Variants in MEGF8 observed in about 807,000 individuals in gnomAD.
MEGF8 encodes the protein multiple EGF like domains 8, also known as multiple epidermal growth factor-like domains protein 8.
A neutral mutation model predicts 302.9 loss-of-function variants in MEGF8; 156 were observed. The ratio of observed to expected loss-of-function variants is 0.52; its 90% CI spans 0.45 to 0.59. The LOEUF is 0.59. Ranked by LOEUF, MEGF8 falls within the 20% of genes least tolerant of loss-of-function variation. The pLI, the probability that MEGF8 is intolerant of heterozygous loss-of-function variation, is 0.00. For synonymous variants in MEGF8, 1,621 were observed against 1,660.5 expected (o/e 0.98, Z 0.58); for missense variants, 3,345 against 3,964.5 (o/e 0.84, Z 4.20).
At chr19:42,373,070 C>G (rs968027830) in intron 41 of MEGF8, among the ~76,000 whole-genome samples, 1 of 151,812 alleles carries the variant, frequency 6.6e-6, no homozygotes, top group Non-Finnish European at 1.5e-5. Flanking sequence ...GGTCTGTTGG[C>G]TGCTTAGAAG....
In MEGF8 at chr19:42,334,222, G is replaced by T; in HGVS notation, c.558+9G>T. The T allele has an allele frequency of 6.3e-7, 1 of 1,581,774 alleles. No homozygotes were observed. ...ACGGCACCTGCGCCTCGGTGAGCCG[G>T]TCCCCAGCCCTGTTTCCCCTGGGGC... On this transcript the variant is annotated intron_variant, in intron 3 of 41. Coordinates refer to ENST00000251268, the MANE Select transcript of MEGF8 (RefSeq NM_001271938.2).
chr19:42,342,623 C>T (rs2039230386), intron 8 of MEGF8, among the ~76,000 whole-genome samples: 2 of 149,030 alleles, frequency 1.3e-5, no homozygotes, highest in African/African-American at 2.5e-5. Context: ...GGTGACAAAG[C>T]GAGACTCTGT....
rs1320734567 is a variant in MEGF8, at chr19:42,352,245, G to C, written c.3139G>C (p.Gly1047Arg). ...QGDFSGPLGG[G>R]NCSLWVGEGL... ...GGACTTCTCAGGGCCCCTCGGTGGG[G>C]GTAACTGCTCCCTGTGGGTGGGGGA... Residue 1047 changes from glycine to arginine, a missense_variant, in exon 19 of 42, where the codon GGT becomes CGT. Transcript: ENST00000251268. The surrounding 1 kb of genome is among the most constrained non-coding windows in gnomAD (Gnocchi z 4.4). The C allele has an allele frequency of 1.3e-6, 2 of 1,558,212 alleles. No homozygotes were observed. Among genetic ancestry groups the C allele is most frequent in the Non-Finnish European group, 1.7e-6 (2 of 1,148,802 alleles).
Position 42,355,748 on chromosome 19 carries a change from C to T in MEGF8, c.4145-10C>T, listed in dbSNP as rs1377031697. 1.9e-6 allele frequency: 3 copies of T among 1,561,080 alleles called. No individual in the cohort carries two copies. The highest frequency in any genetic ancestry group is 2.6e-6 in the Non-Finnish European group (3 of 1,148,276). On this transcript the variant is annotated splice_polypyrimidine_tract_variant and intron_variant, in intron 23 of 41. Coordinates refer to ENST00000251268, the MANE Select transcript of MEGF8 (RefSeq NM_001271938.2). ...ACTTTGCTACCAGCCTCTGGCCTCT[C>T]TCTTCACAGGGCTGCTCGTGCTGCA...
Position 42,352,214 on chromosome 19 carries a change from A to G in MEGF8, c.3108A>G (p.Leu1036=), listed in dbSNP as rs763739986. Residue 1036 remains leucine (L), a synonymous_variant, in exon 19 of 42, where the codon CTA becomes CTG. Transcript: ENST00000251268. The surrounding 1 kb of genome is among the most constrained non-coding windows in gnomAD (Gnocchi z 4.4). Reference sequence around the variant, plus strand: ...TCACTCTCCCACCCTGCAGGTGCCTACAGGGGGACTTCTCAGGGCCCCTCG... The same window carrying G: ...TCACTCTCCCACCCTGCAGGTGCCTGCAGGGGGACTTCTCAGGGCCCCTCG... ...NEDNPTLGRC[L]QGDFSGPLGG... The G allele has an allele frequency of 7.2e-6, 11 of 1,536,374 alleles. No individual in the cohort carries two copies. The highest frequency in any genetic ancestry group is 9.7e-6 in the Non-Finnish European group (11 of 1,136,336).
At chr19:42,360,645 T>C in intron 31 of MEGF8, 130 bp from the exon 32 acceptor site, 1 of 1,477,982 alleles carries the variant, frequency 6.8e-7, no homozygotes, top group African/African-American at 1.4e-5. Context: ...GCCCTTGGCC[T>C]TGTTTCTGCT....
At chr19:42,328,811 C>G (rs2039018995) in intron 1 of MEGF8, among the ~76,000 whole-genome samples, 1 of 151,918 alleles carries the variant, frequency 6.6e-6, no homozygotes, top group Non-Finnish European at 1.5e-5. Context: ...TGGCGCACAT[C>G]TGTGGTTCCA....
At position 42,368,688 on chromosome 19, in the gene MEGF8, A is replaced by G; in HGVS notation, c.6481+26A>G. ...GTGAGAGGGCTTTGGGCACTGGGGG[A>G]GAGGGGCTGGCCCTTGGTTGGGGTC... On this transcript the variant is annotated intron_variant, in intron 36 of 41. Coordinates refer to ENST00000251268, the MANE Select transcript of MEGF8 (RefSeq NM_001271938.2). The surrounding 1 kb of genome is among the most constrained non-coding windows in gnomAD (Gnocchi z 4.9). 6.5e-7 allele frequency: 1 copy of G among 1,530,356 alleles called. No homozygotes were observed. 94.8% of individuals were successfully genotyped at this position (1,530,356 alleles called of 1,614,324 possible).
Position 42,344,528 on chromosome 19 carries a change from C to T in MEGF8, c.1876C>T (p.Arg626Trp), listed in dbSNP as rs369796236. The change falls in exon 11 of 42, where the codon CGG (arginine) becomes TGG (tryptophan). Residue 626 changes from arginine to tryptophan, a missense_variant. By Grantham distance (101) the Arg-to-Trp change is moderately radical (BLOSUM62 -3). Transcript: ENST00000251268. This position sits in a 1 kb window ranked among gnomAD's most constrained non-coding sequence, Gnocchi z 4.5. ...LAFSSPTAPP[R>W]GPGTLGWCVH... ...CTTCAGCAGCCCCACAGCCCCTCCA[C>T]GGGGACCTGGCACCCTGGGCTGGTG... The T allele has an allele frequency of 6.9e-6, 11 of 1,599,914 alleles. No individual in the cohort carries two copies. The highest frequency in any genetic ancestry group is 2.2e-5 in the South Asian group (2 of 90,950).
At position 42,353,058 on chromosome 19, in the gene MEGF8, C is replaced by T. The variant is rs771818419; in HGVS notation, c.3481C>T (p.Arg1161Trp). The T allele has an allele frequency of 2.4e-4, 371 of 1,551,128 alleles. No homozygotes were observed. The highest frequency in any genetic ancestry group is 3.0e-4 in the Non-Finnish European group (347 of 1,147,694). Residue 1161 changes from arginine to tryptophan, a missense_variant, in exon 20 of 42, where the codon CGG (arginine) becomes TGG (tryptophan). Physicochemically the swap from Arg to Trp is moderately radical, Grantham distance 101 (BLOSUM62 -3). Transcript: ENST00000251268. This position sits in a 1 kb window ranked among gnomAD's most constrained non-coding sequence, Gnocchi z 6.1. Reference sequence around the variant, plus strand: ...GGGTCCGCCAGCCCCCCGCTGCTCCCGGGACTGTGGCTGCAGCTTCCACAG... The same window carrying T: ...GGGTCCGCCAGCCCCCCGCTGCTCCTGGGACTGTGGCTGCAGCTTCCACAG... Reference protein sequence around the residue: ...APGPPAPRCSRDCGCSFHSHC... With the variant: ...APGPPAPRCSWDCGCSFHSHC...
At chr19:42,330,536 G>C (rs2147441311) in intron 1 of MEGF8, among the ~76,000 whole-genome samples, 1 of 152,352 alleles carries the variant, frequency 6.6e-6, no homozygotes, top group African/African-American at 2.4e-5. Flanking sequence ...GTCTGTGTCT[G>C]ATGTCTTGGG....
In MEGF8 at chr19:42,344,855, G is replaced by A. The variant is rs2039266520; in HGVS notation, c.2097+22G>A. 2 of 1,525,378 alleles carry A rather than the reference G, an allele frequency of 1.3e-6. No homozygotes were observed. The highest frequency in any genetic ancestry group is 1.8e-6 in the Non-Finnish European group (2 of 1,132,672). The allele number at this position is 1,525,378 out of a possible 1,614,324, so 94.5% of individuals were successfully genotyped here. On this transcript the variant is annotated intron_variant, in intron 12 of 41. Coordinates refer to ENST00000251268, the MANE Select transcript of MEGF8 (RefSeq NM_001271938.2). This position sits in a 1 kb window ranked among gnomAD's most constrained non-coding sequence, Gnocchi z 4.5. ...CAAGGTGGGTAGGAGGCGTGGCCCT[G>A]GGTGGGGTGTTGATGATCCTGATCC...
Position 42,358,424 on chromosome 19 carries a change from C to T in MEGF8, c.5175+117C>T, listed in dbSNP as rs1370325226. On this transcript the variant is annotated intron_variant, in intron 29 of 41. Transcript: ENST00000251268. The surrounding 1 kb of genome is among the most constrained non-coding windows in gnomAD (Gnocchi z 4.4). ...TCCTGCTTCCCCTCCTTTCTATGTT[C>T]CCTAACTAAGCGACACCCCCACATC... 3 of 1,306,286 alleles carry T rather than the reference C, an allele frequency of 2.3e-6. No individual in the cohort carries two copies. The highest frequency in any genetic ancestry group is 3.1e-6 in the Non-Finnish European group (3 of 973,010). The allele number at this position is 1,306,286 out of a possible 1,614,324, so 80.9% of individuals were successfully genotyped here.
Position 42,368,718 on chromosome 19 carries a change from A to G in MEGF8, c.6481+56A>G, listed in dbSNP as rs1285754201. 6.5e-7 allele frequency: 1 copy of G among 1,540,626 alleles called. No homozygotes were observed. Among genetic ancestry groups the G allele is most frequent in the Non-Finnish European group, 8.7e-7 (1 of 1,145,270 alleles). ...GGCTGGCCCTTGGTTGGGGTCTGAT[A>G]CAGTGAACATAGGGATACTGGGCCA... On this transcript the variant is annotated intron_variant, in intron 36 of 41. Coordinates refer to ENST00000251268, the MANE Select transcript of MEGF8 (RefSeq NM_001271938.2). This position sits in a 1 kb window ranked among gnomAD's most constrained non-coding sequence, Gnocchi z 4.9.
rs1195793508 is a variant in MEGF8 at position 42,326,445 on chromosome 19, G to A, written c.187+15G>A. Reference sequence around the variant, plus strand: ...GCTCATCGAGGGTGAGTGGGGCCGCGTGGGTCACTCACTAATTCGCTGGTA... The same window carrying A: ...GCTCATCGAGGGTGAGTGGGGCCGCATGGGTCACTCACTAATTCGCTGGTA... On this transcript the variant is annotated intron_variant, in intron 1 of 41. Transcript: ENST00000251268. 1 of 1,518,866 alleles carries A rather than the reference G, an allele frequency of 6.6e-7. No homozygotes were observed. Among genetic ancestry groups the A allele is most frequent in the African/African-American group, 1.4e-5 (1 of 69,752 alleles). 94.1% of individuals were successfully genotyped at this position (1,518,866 alleles called of 1,614,324 possible).
rs150311870 is a variant in MEGF8 at position 42,360,972 on chromosome 19, C to T, written c.5686C>T (p.His1896Tyr). 597 of 1,575,320 alleles carry T rather than the reference C, an allele frequency of 3.8e-4. 7 individuals are homozygous for T. Among genetic ancestry groups the T allele is most frequent in the Non-Finnish European group, 7.4e-5 (86 of 1,158,288 alleles). Residue 1896 changes from histidine to tyrosine, a missense_variant, in exon 32 of 42, where the codon CAT becomes TAT. Transcript: ENST00000251268. ...CNQSGACTWCHGACLSGDQAH... is the reference protein window; with the variant it reads ...CNQSGACTWCYGACLSGDQAH... ...CCAGTCTGGGGCCTGCACCTGGTGC[C>T]ATGGGGCCTGCTTGTCCGGGGATCA...
chr19:42,349,417 G>C (rs967164669), intron 13 of MEGF8, 82 bp from the exon 14 acceptor site: 4 of 1,252,582 alleles, frequency 3.2e-6, no homozygotes, highest in Non-Finnish European at 4.4e-6. Context: ...TGGGGTACAG[G>C]GTGGGTTTGG....
Position 42,376,179 on chromosome 19 carries a change from C to T in MEGF8, c.7942C>T (p.Leu2648=). 6.2e-7 allele frequency: 1 copy of T among 1,610,914 alleles called. No individual in the cohort carries two copies. The highest frequency in any genetic ancestry group is 8.5e-7 in the Non-Finnish European group (1 of 1,179,008). ...CCGGCAGGACCAGGCCCACATTGAC[C>T]TGTTTGTCTTCTTCTCCGTCTTCTT... The part of the protein sequence containing the change: ...FFRQDQAHID[L]FVFFSVFFSC... Residue 2648 remains leucine (L), a synonymous_variant, in exon 42 of 42, where the codon CTG becomes TTG. Transcript: ENST00000251268. This position sits in a 1 kb window ranked among gnomAD's most constrained non-coding sequence, Gnocchi z 8.2.
At position 42,378,593 on chromosome 19, in the gene MEGF8, C is replaced by T. The variant is rs2039798721; in HGVS notation, c.*1818C>T. ...CTGTCTTCTTGAACTTGGGACTCTC[C>T]TTTCCCAAGACTTCCATCACTAGCT... On this transcript the variant is annotated 3_prime_UTR_variant, in exon 42 of 42. Coordinates refer to ENST00000251268, the MANE Select transcript of MEGF8 (RefSeq NM_001271938.2). 1 of 153,788 alleles carries T rather than the reference C, an allele frequency of 6.5e-6. No individual in the cohort carries two copies. The highest frequency in any genetic ancestry group is 1.5e-5 in the Non-Finnish European group (1 of 68,076). The allele number at this position is 153,788 out of a possible 1,614,324, so 9.5% of individuals were successfully genotyped here.
Sources: allele counts gnomAD v4.1 joint callset (sites outside exome capture counted in the v4.1 genomes callset), GRCh38; gene constraint gnomAD v4.1.1; non-coding constraint Gnocchi (gnomAD v3.1); transcripts MANE v1.5; gene names NCBI Gene and HGNC (gene_info 2026-07-23, HGNC 2026-07-21).